Variants in ST6GALNAC3 observed in about 807,000 individuals in gnomAD.
ST6GALNAC3 encodes the protein ST6 N-acetylgalactosaminide alpha-2,6-sialyltransferase 3, also known as alpha-N-acetylgalactosaminide alpha-2,6-sialyltransferase 3.
ST6GALNAC3 carries 25 observed loss-of-function variants against 32.7 expected under a neutral mutation model. The observed-to-expected ratio is 0.76, with a 90% CI of 0.56 to 1.07. ST6GALNAC3 has a LOEUF of 1.07. Among genes scored for constraint, ST6GALNAC3 ranks in the 50% least tolerant of loss-of-function variants. ST6GALNAC3 has a pLI of 0.00. For synonymous variants in ST6GALNAC3, 129 were observed against 133.1 expected (o/e 0.97, Z 0.21); for missense variants, 355 against 382.4 (o/e 0.93, Z 0.60).
chr1:76,561,282 T>C (rs1234538683), intron 3 of ST6GALNAC3, among the ~76,000 whole-genome samples: 1 of 151,908 alleles, frequency 6.6e-6, no homozygotes, highest in Non-Finnish European at 1.5e-5. Flanking sequence ...TAAGAAATGG[T>C]GTTTGATAGC....
chr1:76,510,475 G>C (rs1661785772), intron 3 of ST6GALNAC3, among the ~76,000 whole-genome samples: 1 of 152,066 alleles, frequency 6.6e-6, no homozygotes, highest in African/African-American at 2.4e-5. Context: ...AATAGAGTGA[G>C]GTATGGAACC....
chr1:76,194,391 A>G (rs187377959), intron 1 of ST6GALNAC3, among the ~76,000 whole-genome samples: 65 of 152,274 alleles, frequency 4.3e-4, no homozygotes, highest in Non-Finnish European at 6.3e-4. Context: ...AAGGATCTCA[A>G]AAAGCTTTTG....
chr1:76,533,287 C>T (rs1041328160), intron 3 of ST6GALNAC3, among the ~76,000 whole-genome samples: 1 of 152,192 alleles, frequency 6.6e-6, no homozygotes, highest in Non-Finnish European at 1.5e-5. Context: ...ATGGCACTGT[C>T]GTGGTCTTCT....
chr1:76,129,187 C>A (rs996634190), intron 1 of ST6GALNAC3, among the ~76,000 whole-genome samples: 19 of 152,150 alleles, frequency 1.2e-4, no homozygotes, highest in African/African-American at 4.3e-4. Flanking sequence ...TGTTTTATGA[C>A]CCTCTCCTTT....
At chr1:76,117,885 T>G (rs1648590423) in intron 1 of ST6GALNAC3, among the ~76,000 whole-genome samples, 1 of 152,240 alleles carries the variant, frequency 6.6e-6, no homozygotes, top group Non-Finnish European at 1.5e-5. Flanking sequence ...GAATCTCAGT[T>G]TTCCTGTTGA....
chr1:76,213,668 C>T (rs550556441), intron 1 of ST6GALNAC3, among the ~76,000 whole-genome samples: 1 of 152,276 alleles, frequency 6.6e-6, no homozygotes, highest in South Asian at 2.1e-4. Flanking sequence ...TTGTCACATG[C>T]ACATTAAAAT....
chr1:76,634,113 C>T lies in ST6GALNAC3; in HGVS notation c.*5307C>T. 1.0e-6 allele frequency: 1 copy of T among 982,014 alleles called. No homozygotes were observed. Among genetic ancestry groups the T allele is most frequent in the South Asian group, 4.7e-5 (1 of 21,188 alleles). 60.8% of individuals were successfully genotyped at this position (982,014 alleles called of 1,614,324 possible). On this transcript the variant is annotated 3_prime_UTR_variant, in exon 5 of 5. Coordinates refer to ENST00000328299, the MANE Select transcript of ST6GALNAC3 (RefSeq NM_152996.4). ...GCACTTTTTTTTGAGTAGAAAACCT[C>T]TTCTTTCTCCACAGATACATCTCTT...
At chr1:76,336,043 G>T (rs532587741) in intron 2 of ST6GALNAC3, among the ~76,000 whole-genome samples, 1 of 152,256 alleles carries the variant, frequency 6.6e-6, no homozygotes, top group African/African-American at 2.4e-5. Context: ...AGTGAGTCTG[G>T]AGGGCAGGGT....
intron 3 of ST6GALNAC3, among the ~76,000 whole-genome samples, chr1:76,480,809 A>C (rs1659674772): frequency 6.6e-6 from 1 of 152,168 alleles, no homozygotes; most frequent in African/African-American, 2.4e-5. Context: ...TATAGCAGTA[A>C]TATCAACCAC....
intron 1 of ST6GALNAC3, among the ~76,000 whole-genome samples, chr1:76,197,180 A>G (rs1654252518): frequency 6.6e-6 from 1 of 152,218 alleles, no homozygotes; most frequent in Non-Finnish European, 1.5e-5. Context: ...CAGAGGTCTT[A>G]GAAATGTAGA....
intron 3 of ST6GALNAC3, among the ~76,000 whole-genome samples, chr1:76,590,684 T>A (rs1647033792): frequency 6.6e-6 from 1 of 152,224 alleles, no homozygotes; most frequent in Non-Finnish European, 1.5e-5. Flanking sequence ...TATTTAAAGT[T>A]GTAAATTTTT....
intron 2 of ST6GALNAC3, among the ~76,000 whole-genome samples, chr1:76,367,486 G>A (rs1400810756): frequency 6.6e-6 from 1 of 152,076 alleles, no homozygotes; most frequent in Non-Finnish European, 1.5e-5. Flanking sequence ...TTTACAGGAG[G>A]GTAGGGGAGA....
intron 3 of ST6GALNAC3, among the ~76,000 whole-genome samples, chr1:76,438,823 A>G (rs772218880): frequency 6.6e-6 from 1 of 152,074 alleles, no homozygotes; most frequent in Non-Finnish European, 1.5e-5. Flanking sequence ...TTCTTTCCTC[A>G]GGGCTGTTAC....
At chr1:76,213,606 T>G (rs1389985999) in intron 1 of ST6GALNAC3, among the ~76,000 whole-genome samples, 1 of 152,210 alleles carries the variant, frequency 6.6e-6, no homozygotes, top group Non-Finnish European at 1.5e-5. Flanking sequence ...CTTGCTCTAT[T>G]TATTCCAACT....
chr1:76,091,718 T>C (rs291066), intron 1 of ST6GALNAC3, among the ~76,000 whole-genome samples: 9,310 of 152,282 alleles, frequency 0.061, 315 homozygotes, highest in African/African-American at 0.091. Context: ...ATACCTATAG[T>C]ATATAGCACA....
chr1:76,427,809 G>A (rs1040386261), intron 3 of ST6GALNAC3, among the ~76,000 whole-genome samples: 81 of 152,206 alleles, frequency 5.3e-4, no homozygotes, highest in African/African-American at 1.7e-3. Context: ...GAAAAGCCCC[G>A]AAGGGCCTGT....
intron 3 of ST6GALNAC3, among the ~76,000 whole-genome samples, chr1:76,486,804 C>G (rs1375527666): frequency 6.6e-6 from 1 of 152,164 alleles, no homozygotes; most frequent in South Asian, 2.1e-4. Context: ...TTAGTTGATG[C>G]AGTTTCTTCC....
chr1:76,207,931 A>G (rs1442527053), intron 1 of ST6GALNAC3, among the ~76,000 whole-genome samples: 2 of 152,188 alleles, frequency 1.3e-5, no homozygotes, highest in African/African-American at 4.8e-5. Flanking sequence ...TACTTTGTGA[A>G]GATGCTGCAC....
At chr1:76,520,820 A>C (rs930753886) in intron 3 of ST6GALNAC3, among the ~76,000 whole-genome samples, 1 of 152,208 alleles carries the variant, frequency 6.6e-6, no homozygotes, top group East Asian at 1.9e-4. Context: ...TTGTAACTAC[A>C]TGGTACACAG....
Sources: gnomAD v4.1 joint callset for allele counts (sites outside exome capture counted in the v4.1 genomes callset) on GRCh38, gnomAD v4.1.1 for gene constraint, MANE v1.5 for transcripts, NCBI Gene and HGNC (gene_info 2026-07-23, HGNC 2026-07-21) for gene names.